The following LRP1B variants were observed in gnomAD, a reference collection of about 807,000 sequenced individuals.
The protein encoded by LRP1B is LDL receptor related protein 1B, also known as low-density lipoprotein receptor-related protein 1B.
LRP1B carries 217 observed loss-of-function variants against 556.6 expected under a neutral mutation model. That is an observed-to-expected ratio of 0.39 (90% CI 0.35 to 0.44). The LOEUF is 0.44. Among genes scored for constraint, LRP1B ranks in the 20% least tolerant of loss-of-function variants. The pLI is 1.00. For synonymous variants in LRP1B, 2,047 were observed against 1,865.8 expected, an observed-to-expected ratio of 1.10 and a Z score of -2.50; for missense variants, 5,053 against 5,620.8, an observed-to-expected ratio of 0.90 and a Z score of 3.23.
At chr2:141,192,345 A>G (rs561577539) in intron 6 of LRP1B, among the ~76,000 whole-genome samples, 4 of 151,976 alleles carry the variant, frequency 2.6e-5, no homozygotes, top group Non-Finnish European at 5.9e-5. Context: ...TCTAAATTAT[A>G]TACCTGTCTT....
intron 32 of LRP1B, among the ~76,000 whole-genome samples, chr2:140,799,446 G>A (rs1690428107): frequency 6.6e-6 from 1 of 152,084 alleles, no homozygotes; most frequent in African/African-American, 2.4e-5. Flanking sequence ...CCAGCCTCCA[G>A]AGCTCGAAAA....
chr2:140,522,781 T>C (rs1488406487), intron 49 of LRP1B, among the ~76,000 whole-genome samples: 1 of 151,742 alleles, frequency 6.6e-6, no homozygotes, highest in Non-Finnish European at 1.5e-5. Context: ...GTGAACATAC[T>C]CTAAAATTTA....
chr2:140,837,309 T>G (rs894062159), intron 31 of LRP1B, among the ~76,000 whole-genome samples: 4 of 152,142 alleles, frequency 2.6e-5, no homozygotes, highest in African/African-American at 9.7e-5. Context: ...CTAAAATAAT[T>G]TAGGTTCCTG....
chr2:141,279,495 GGT>G (rs1281681156), intron 3 of LRP1B, among the ~76,000 whole-genome samples: 5 of 151,994 alleles, frequency 3.3e-5, no homozygotes, highest in Admixed American at 6.6e-5. Flanking sequence ...AATAGAAAGT[GGT>G]TTGCTTGGCA....
intron 77 of LRP1B, among the ~76,000 whole-genome samples, chr2:140,339,839 G>A (rs184352976): frequency 6.2e-5 from 9 of 146,300 alleles, no homozygotes; most frequent in Non-Finnish European, 9.2e-5. Context: ...ATGTGTACGC[G>A]ATTAAAAAAA....
intron 53 of LRP1B, among the ~76,000 whole-genome samples, chr2:140,505,754 G>T (rs1256625115): frequency 6.6e-6 from 1 of 152,088 alleles, no homozygotes; most frequent in African/African-American, 2.4e-5. Context: ...CATATCAAAG[G>T]CCAAGGCTAT....
chr2:140,529,800 T>C (rs1034710533), intron 47 of LRP1B, among the ~76,000 whole-genome samples: 2 of 152,028 alleles, frequency 1.3e-5, no homozygotes, highest in Non-Finnish European at 2.9e-5. Flanking sequence ...GCACTCTTCC[T>C]GAATATATTC....
chr2:141,175,824 A>C (rs568071067), intron 7 of LRP1B, among the ~76,000 whole-genome samples: 8 of 152,236 alleles, frequency 5.3e-5, no homozygotes, highest in African/African-American at 1.9e-4. Context: ...ACAACAACCC[A>C]TGAAAGCAAC....
At chr2:141,331,066 T>A (rs1337510495) in intron 3 of LRP1B, among the ~76,000 whole-genome samples, 1 of 152,204 alleles carries the variant, frequency 6.6e-6, no homozygotes. Flanking sequence ...AGTTCAGGGT[T>A]CTACCTAACT....
chr2:140,835,717 T>C (rs1157294083), intron 31 of LRP1B, among the ~76,000 whole-genome samples: 2 of 151,914 alleles, frequency 1.3e-5, no homozygotes, highest in South Asian at 4.2e-4. Context: ...TTTTGTATTT[T>C]CAGTAGAGAT....
rs146284975 is a variant in LRP1B at position 141,174,879 on chromosome 2, C to A, written c.1013+13542G>T. 9.3e-4 allele frequency among the ~76,000 whole-genome samples: 142 copies of A among 152,090 alleles called. 3 individuals are homozygous for A. In the East Asian group the frequency reaches 0.024, roughly 25 times the overall value. On this transcript the variant is annotated intron_variant, in intron 7 of 90. Transcript: ENST00000389484. Reference sequence around the variant, plus strand: ...ATTGAATGGTTTTGAAAGAAAAATGCTTATAACAAAATGGACAATGAACCC... The same window carrying A: ...ATTGAATGGTTTTGAAAGAAAAATGATTATAACAAAATGGACAATGAACCC...
chr2:142,063,586 AT>A (rs1390057866), intron 1 of LRP1B, among the ~76,000 whole-genome samples: 2 of 151,556 alleles, frequency 1.3e-5, no homozygotes, highest in African/African-American at 4.8e-5. Flanking sequence ...AATTCCACAA[AT>A]TATTATGAAC....
At chr2:140,276,219 G>T (rs1037278963) in intron 84 of LRP1B, among the ~76,000 whole-genome samples, 2 of 151,902 alleles carry the variant, frequency 1.3e-5, no homozygotes, top group African/African-American at 4.8e-5. Flanking sequence ...TAATTCTCAT[G>T]TTTATGTTTA....
chr2:141,128,528 C>T (rs1023837178), intron 7 of LRP1B, among the ~76,000 whole-genome samples: 3 of 152,300 alleles, frequency 2.0e-5, no homozygotes, highest in Non-Finnish European at 2.9e-5. Flanking sequence ...GTTCTTCCAA[C>T]GCACCAAGTT....
chr2:140,994,164 A>G, intron 15 of LRP1B, 29 bp from the exon 16 acceptor site: 1 of 1,600,292 alleles, frequency 6.2e-7, no homozygotes, highest in Non-Finnish European at 8.6e-7. Flanking sequence ...AAGGTATATG[A>G]ATAATGCTAG....
chr2:141,695,897 C>T (rs752489558), intron 2 of LRP1B, among the ~76,000 whole-genome samples: 2 of 151,800 alleles, frequency 1.3e-5, no homozygotes, highest in African/African-American at 2.4e-5. Flanking sequence ...CAATATCTTC[C>T]ATTTTATGGA....
intron 84 of LRP1B, among the ~76,000 whole-genome samples, chr2:140,281,671 G>A (rs1682917193): frequency 6.6e-6 from 1 of 151,752 alleles, no homozygotes; most frequent in African/African-American, 2.4e-5. Flanking sequence ...GATAATTTAA[G>A]GCTGCATTCA....
chr2:141,624,914 C>T (rs923466138), intron 2 of LRP1B, among the ~76,000 whole-genome samples: 65 of 152,030 alleles, frequency 4.3e-4, no homozygotes, highest in African/African-American at 3.9e-4. Flanking sequence ...GGACTACAGG[C>T]GCCCGCCACC....
intron 1 of LRP1B, among the ~76,000 whole-genome samples, chr2:142,075,051 A>G (rs1705449410): frequency 6.6e-6 from 1 of 152,114 alleles, no homozygotes; most frequent in South Asian, 2.1e-4. Context: ...TGGAGATTAT[A>G]TTTTATCTTT....
Sources: allele counts gnomAD v4.1 joint callset (sites outside exome capture counted in the v4.1 genomes callset), GRCh38; gene constraint gnomAD v4.1.1; transcripts MANE v1.5; gene names NCBI Gene and HGNC (gene_info 2026-07-23, HGNC 2026-07-21).